The following FRYL variants were observed in gnomAD, a reference collection of about 807,000 sequenced individuals.
FRYL encodes FRY like transcription coactivator.
Under a neutral mutation model 351.2 loss-of-function variants are expected in FRYL, and 150 were observed. The ratio of observed to expected loss-of-function variants is 0.43; its 90% CI spans 0.37 to 0.49. The LOEUF (loss-of-function observed/expected upper bound fraction) is 0.49, where lower values mean the gene tolerates loss of function less well. Among genes scored for constraint, FRYL ranks in the 20% least tolerant of loss-of-function variants. The pLI is 0.00. For missense variants in FRYL, 3,036 were observed against 3,619.3 expected, an observed-to-expected ratio of 0.84 and a Z score of 4.13; for synonymous variants, 1,153 against 1,257.1, an observed-to-expected ratio of 0.92 and a Z score of 1.75.
At chr4:48,522,762 G>A in intron 54 of FRYL, 139 bp downstream of exon 54, 1 of 730,890 alleles carries the variant, frequency 1.4e-6, no homozygotes, top group Non-Finnish European at 2.5e-6. Flanking sequence ...TAACAACACG[G>A]TACTCCATTA....
chr4:48,718,838 T>G (rs1202423883), intron 1 of FRYL, among the ~76,000 whole-genome samples: 1 of 151,422 alleles, frequency 6.6e-6, no homozygotes, highest in Non-Finnish European at 1.5e-5. Context: ...GTGACCATTA[T>G]GCTCCCCCAA....
chr4:48,703,751 TG>T (rs1452063988), intron 2 of FRYL, among the ~76,000 whole-genome samples: 1 of 152,214 alleles, frequency 6.6e-6, no homozygotes, highest in Admixed American at 6.5e-5. Flanking sequence ...ACATAGTTTG[TG>T]TATTTGTGGA....
rs1374950527 is a variant in FRYL at position 48,666,389 on chromosome 4, A to AAAT, written c.-81+18281_-81+18283dup. Reference sequence around the variant, plus strand: ...CTCAAAAAATAAATAAAAAGTAAATAAATAAATAAATAAATAAATAAATAA... The same window carrying AAAT: ...CTCAAAAAATAAATAAAAAGTAAATAAATAATAAATAAATAAATAAATAAATAA... On this transcript the variant is annotated intron_variant, in intron 3 of 63. Coordinates refer to ENST00000358350, the MANE Select transcript of FRYL (RefSeq NM_015030.2). 7.4e-5 allele frequency among the ~76,000 whole-genome samples: 4 copies of AAAT among 54,314 alleles called. No individual in the cohort carries two copies. The East Asian group carries it at 3.1e-3, about 42-fold the overall frequency. 35.6% of individuals were successfully genotyped at this position (54,314 alleles called of 152,430 possible). A position where few individuals can be genotyped will look rare whatever the true frequency, so the allele number is the denominator to read the frequency against.
At chr4:48,602,178 T>C in intron 12 of FRYL, 57 bp from the exon 13 acceptor site, 2 of 855,874 alleles carry the variant, frequency 2.3e-6, no homozygotes, top group Middle Eastern at 2.2e-4. Context: ...GCACTGGACT[T>C]TTAAATTTTA....
At chr4:48,521,719 C>T (rs1288085308) in intron 54 of FRYL, among the ~76,000 whole-genome samples, 1 of 152,156 alleles carries the variant, frequency 6.6e-6, no homozygotes, top group South Asian at 2.1e-4. Flanking sequence ...TGAACAGGGC[C>T]GGGTGCATCG....
At chr4:48,556,055 C>T (rs571262731) in intron 35 of FRYL, among the ~76,000 whole-genome samples, 5 of 152,146 alleles carry the variant, frequency 3.3e-5, no homozygotes, top group African/African-American at 7.2e-5. Context: ...CCACCACACC[C>T]GGCTAATTTT....
intron 40 of FRYL, among the ~76,000 whole-genome samples, chr4:48,548,108 T>C (rs559082821): frequency 1.3e-5 from 2 of 152,134 alleles, no homozygotes; most frequent in Non-Finnish European, 2.9e-5. Flanking sequence ...TAACAGAAAG[T>C]ACATGATTAA....
At chr4:48,553,966 C>T (rs970740788) in intron 35 of FRYL, among the ~76,000 whole-genome samples, 3 of 152,164 alleles carry the variant, frequency 2.0e-5, no homozygotes, top group Non-Finnish European at 4.4e-5. Flanking sequence ...GTAGTAATAG[C>T]ACCTACTTCA....
chr4:48,606,811 G>C (rs1746939877), intron 9 of FRYL, among the ~76,000 whole-genome samples: 2 of 152,084 alleles, frequency 1.3e-5, no homozygotes, highest in Non-Finnish European at 2.9e-5. Flanking sequence ...TAAATTAAAA[G>C]TTTCTGAAGG....
intron 18 of FRYL, 110 bp from the exon 19 acceptor site, chr4:48,586,838 G>T: frequency 6.2e-6 from 4 of 642,040 alleles, no homozygotes; most frequent in Admixed American, 3.1e-5. Flanking sequence ...AAAGTTCAAT[G>T]TATTTAATAT....
chr4:48,763,412 T>C (rs1332053403), intron 1 of FRYL, among the ~76,000 whole-genome samples: 1 of 151,976 alleles, frequency 6.6e-6, no homozygotes, highest in Non-Finnish European at 1.5e-5. Context: ...CAGTGAGCTA[T>C]GTTCACACCA....
chr4:48,666,272 C>G (rs1761700690), intron 3 of FRYL, among the ~76,000 whole-genome samples: 1 of 152,114 alleles, frequency 6.6e-6, no homozygotes, highest in South Asian at 2.1e-4. Context: ...GAGGCCGAGG[C>G]AGGAGAATAG....
chr4:48,551,007 G>A (rs1267143481), intron 37 of FRYL, among the ~76,000 whole-genome samples: 1 of 151,734 alleles, frequency 6.6e-6, no homozygotes, highest in South Asian at 2.1e-4. Context: ...GGGAGGCAGA[G>A]GTTGAGCTGA....
At chr4:48,560,065 G>A (rs1175273194) in intron 33 of FRYL, among the ~76,000 whole-genome samples, 1 of 152,088 alleles carries the variant, frequency 6.6e-6, no homozygotes, top group Admixed American at 6.5e-5. Context: ...TATACTCGAG[G>A]CAAGGCACAG....
chr4:48,683,008 G>C (rs981551562), intron 3 of FRYL, among the ~76,000 whole-genome samples: 4 of 152,044 alleles, frequency 2.6e-5, no homozygotes, highest in African/African-American at 9.7e-5. Context: ...GCAAAGACTT[G>C]GAACCAACCC....
At chr4:48,655,149 T>C (rs138475023) in intron 3 of FRYL, among the ~76,000 whole-genome samples, 6 of 152,196 alleles carry the variant, frequency 3.9e-5, no homozygotes, top group African/African-American at 1.2e-4. Context: ...TTAAGAGATA[T>C]TCAGTGGTAG....
At chr4:48,760,115 G>A (rs1774245036) in intron 1 of FRYL, among the ~76,000 whole-genome samples, 1 of 151,772 alleles carries the variant, frequency 6.6e-6, no homozygotes, top group Admixed American at 6.6e-5. Context: ...AAGTACAACA[G>A]AACCAAGATT....
chr4:48,616,222 A>AT (rs1689566119), intron 7 of FRYL, among the ~76,000 whole-genome samples: 2 of 147,994 alleles, frequency 1.4e-5, no homozygotes, highest in South Asian at 4.3e-4. Context: ...TATAATAATA[A>AT]AAAAAAAAAT....
At chr4:48,652,959 T>G (rs1450596951) in intron 3 of FRYL, among the ~76,000 whole-genome samples, 7 of 152,204 alleles carry the variant, frequency 4.6e-5, no homozygotes, top group Admixed American at 1.3e-4. Context: ...ATAGAACCTG[T>G]GTTTACTTAA....
Sources: allele counts gnomAD v4.1 joint callset (sites outside exome capture counted in the v4.1 genomes callset), GRCh38; gene constraint gnomAD v4.1.1; transcripts MANE v1.5; gene names NCBI Gene and HGNC (gene_info 2026-07-23, HGNC 2026-07-21).